CYLD: variants seen among roughly 807,000 people sequenced by gnomAD.
CYLD encodes the protein CYLD lysine 63 deubiquitinase, also known as ubiquitin carboxyl-terminal hydrolase CYLD.
Under a neutral mutation model 104.5 loss-of-function variants are expected in CYLD, and 26 were observed. The observed-to-expected ratio is 0.25, with a 90% CI of 0.18 to 0.35. CYLD has a LOEUF of 0.35. CYLD is among the 10% of genes least tolerant of loss of function. The probability of loss-of-function intolerance (pLI) is 1.00; values close to 1 mark genes in which losing one functional copy is unlikely to be tolerated. For synonymous variants in CYLD, 385 were observed against 399.9 expected, an observed-to-expected ratio of 0.96 and a Z score of 0.45; for missense variants, 703 against 1,136.1, an observed-to-expected ratio of 0.62 and a Z score of 5.48.
chr16:50,781,216 A>G (rs1181849704), intron 9 of CYLD, 30 bp from the exon 10 acceptor site: 1 of 1,612,596 alleles, frequency 6.2e-7, no homozygotes, highest in Non-Finnish European at 8.5e-7. Flanking sequence ...AAGGCACGGT[A>G]TAATGCATAT....
At chr16:50,776,320 C>A (rs779535899) in intron 7 of CYLD, 43 bp downstream of exon 7, 1 of 1,296,804 alleles carries the variant, frequency 7.7e-7, no homozygotes, top group Non-Finnish European at 1.1e-6. Context: ...TTGCATAATG[C>A]CTAACTTGCC....
At chr16:50,778,117 A>G (rs1969869136) in intron 8 of CYLD, 176 bp downstream of exon 8, 1 of 554,754 alleles carries the variant, frequency 1.8e-6, no homozygotes, top group Admixed American at 3.2e-5. Context: ...TGTTAAGATT[A>G]TTAAAATGTT....
chr16:50,779,711 T>C lies in CYLD; in HGVS notation c.1185T>C (p.Phe395=), dbSNP rs759349585. Reference sequence around the variant, plus strand: ...CTCTTACAGAGATATCTACAGACTTTGACCGTTCTTCACCACCACTCCAGC... The same window carrying C: ...CTCTTACAGAGATATCTACAGACTTCGACCGTTCTTCACCACCACTCCAGC... ...AKSLTEISTD[F]DRSSPPLQPP... Residue 395 remains phenylalanine, a synonymous_variant, in exon 9 of 19, where the codon TTT becomes TTC. Transcript: ENST00000427738. 2 of 1,613,926 alleles carry C rather than the reference T, an allele frequency of 1.2e-6. No individual in the cohort carries two copies. The highest frequency in any genetic ancestry group is 2.2e-5 in the East Asian group (1 of 44,892).
chr16:50,765,763 G>T (rs1968438005), intron 5 of CYLD, among the ~76,000 whole-genome samples: 1 of 152,190 alleles, frequency 6.6e-6, no homozygotes, highest in South Asian at 2.1e-4. Context: ...ATGGAGAAAG[G>T]TTTAGTTATC....
At chr16:50,767,578 T>A (rs1297578098) in intron 5 of CYLD, among the ~76,000 whole-genome samples, 1 of 152,154 alleles carries the variant, frequency 6.6e-6, no homozygotes, top group African/African-American at 2.4e-5. Flanking sequence ...TTAATTGCAT[T>A]TCTTTGAATT....
chr16:50,781,485 G>A (rs1434643179), intron 10 of CYLD, 74 bp downstream of exon 10: 3 of 1,523,256 alleles, frequency 2.0e-6, no homozygotes, highest in African/African-American at 1.4e-5. Flanking sequence ...GTTATATTAG[G>A]TGATGGTGAC....
intron 3 of CYLD, among the ~76,000 whole-genome samples, chr16:50,750,894 C>T (rs907748893): frequency 2.0e-5 from 3 of 151,850 alleles, no homozygotes; most frequent in African/African-American, 2.4e-5. Context: ...TAATTGTCCC[C>T]GATAATATAT....
intron 7 of CYLD, 70 bp from the exon 8 acceptor site, chr16:50,777,755 C>T (rs574585185): frequency 1.3e-6 from 1 of 790,286 alleles, no homozygotes; most frequent in East Asian, 2.4e-5. Context: ...ATAATAATTT[C>T]TCTTACTAAA....
Position 50,798,490 on chromosome 16 carries a change from T to G in CYLD, c.*1982T>G. On this transcript the variant is annotated 3_prime_UTR_variant, in exon 19 of 19. Transcript: ENST00000427738. The stretch of plus-strand genomic sequence containing the variant: ...AGGATGTGTGTCAGTTATATGCAAA[T>G]TCTGTACCATTTTGTATCAGGGAAT... 4.3e-6 allele frequency: 1 copy of G among 232,546 alleles called. No homozygotes were observed. Among genetic ancestry groups the G allele is most frequent in the Non-Finnish European group, 8.5e-6 (1 of 117,716 alleles). The allele number at this position is 232,546 out of a possible 1,614,324, so 14.4% of individuals were successfully genotyped here.
At chr16:50,767,867 C>A (rs60823217) in intron 5 of CYLD, among the ~76,000 whole-genome samples, 34,778 of 151,924 alleles carry the variant, frequency 0.23, 6,521 homozygotes, top group African/African-American at 0.52. Context: ...ACTTAAAAAG[C>A]AAAGCAAAGA....
At chr16:50,769,279 A>G (rs1363971527) in intron 5 of CYLD, among the ~76,000 whole-genome samples, 1 of 152,206 alleles carries the variant, frequency 6.6e-6, no homozygotes, top group Non-Finnish European at 1.5e-5. Context: ...CTGTGTTTCC[A>G]AAGTGGTTGC....
chr16:50,742,546 G>GC (rs1555503583), intron 1 of CYLD: 1 of 334,880 alleles, frequency 3.0e-6, no homozygotes, highest in Non-Finnish European at 5.3e-6. Flanking sequence ...TCCCCCTCCC[G>GC]CCCCCCACCC....
chr16:50,761,746 A>ATATC (rs58093805), intron 5 of CYLD, among the ~76,000 whole-genome samples: 1,557 of 149,888 alleles, frequency 0.01, 9 homozygotes, highest in Non-Finnish European at 0.01. Context: ...ACATATCTCT[A>ATATC]TATCTATCTA....
Position 50,796,630 on chromosome 16 carries a change from C to A in CYLD, c.*122C>A. On this transcript the variant is annotated 3_prime_UTR_variant, in exon 19 of 19. Transcript: ENST00000427738. Reference sequence around the variant, plus strand: ...GGATGTCTTTGTGGTGATGATCCTTCAGAAAAGGATGCCTCTGTTTAAAAA... The same window carrying A: ...GGATGTCTTTGTGGTGATGATCCTTAAGAAAAGGATGCCTCTGTTTAAAAA... 1 of 1,028,064 alleles carries A rather than the reference C, an allele frequency of 9.7e-7. No individual in the cohort carries two copies. The highest frequency in any genetic ancestry group is 1.5e-6 in the Non-Finnish European group (1 of 668,336). The allele number at this position is 1,028,064 out of a possible 1,614,324, so 63.7% of individuals were successfully genotyped here. A position where few individuals can be genotyped will look rare whatever the true frequency, so the allele number is the denominator to read the frequency against.
At chr16:50,748,127 A>G (rs746436903) in intron 2 of CYLD, among the ~76,000 whole-genome samples, 4 of 152,232 alleles carry the variant, frequency 2.6e-5, no homozygotes, top group East Asian at 3.8e-4. Flanking sequence ...AGTGCTATCA[A>G]TTGCAGCCAT....
At chr16:50,786,995 A>G (rs762274333) in intron 13 of CYLD, 49 bp downstream of exon 13, 1 of 1,427,376 alleles carries the variant, frequency 7.0e-7, no homozygotes, top group East Asian at 2.3e-5. Context: ...GAGCATATTC[A>G]CATGTCAAAG....
chr16:50,775,132 C>T (rs1315660547), intron 5 of CYLD, 34 bp from the exon 6 acceptor site: 1 of 1,587,002 alleles, frequency 6.3e-7, no homozygotes. Flanking sequence ...TCCTCAAATC[C>T]ACTGTGGGTG....
chr16:50,749,196 C>T (rs1024612018), intron 2 of CYLD, among the ~76,000 whole-genome samples: 3 of 152,084 alleles, frequency 2.0e-5, no homozygotes, highest in Non-Finnish European at 4.4e-5. Context: ...GAGTGAGACC[C>T]TGTCTCAAAA....
chr16:50,749,639 T>C lies in CYLD; in HGVS notation c.-60T>C. On this transcript the variant is annotated 5_prime_UTR_variant, in exon 3 of 19. Coordinates refer to ENST00000427738, the MANE Select transcript of CYLD (RefSeq NM_001378743.1). The stretch of plus-strand genomic sequence containing the variant: ...CCACTGAATTTATCTTTTGCGGTTT[T>C]ATGACAAAGTTATTAGTAGTTTCCC... 1 of 1,563,430 alleles carries C rather than the reference T, an allele frequency of 6.4e-7. No individual in the cohort carries two copies. The highest frequency in any genetic ancestry group is 8.7e-7 in the Non-Finnish European group (1 of 1,143,512).
Sources: gnomAD v4.1 joint callset for allele counts (sites outside exome capture counted in the v4.1 genomes callset) on GRCh38, gnomAD v4.1.1 for gene constraint, MANE v1.5 for transcripts, NCBI Gene and HGNC (gene_info 2026-07-23, HGNC 2026-07-21) for gene names.